ACSS3: variants seen among roughly 807,000 people sequenced by gnomAD.
ACSS3 encodes the protein acyl-CoA synthetase short chain family member 3.
A neutral mutation model predicts 84.2 loss-of-function variants in ACSS3; 64 were observed. The ratio of observed to expected loss-of-function variants is 0.76; its 90% CI spans 0.62 to 0.94. ACSS3 has a LOEUF of 0.94. Ranked by LOEUF, ACSS3 falls within the 40% of genes least tolerant of loss-of-function variation. The probability of loss-of-function intolerance (pLI) is 0.00; values close to 1 mark genes in which losing one functional copy is unlikely to be tolerated. For synonymous variants in ACSS3, 317 were observed against 310.1 expected (o/e 1.02, Z -0.23); for missense variants, 815 against 867.6 (o/e 0.94, Z 0.76).
In ACSS3 at chr12:81,139,257, C is replaced by T. The variant is rs1175643372; in HGVS notation, c.772C>T (p.Pro258Ser). The part of the protein sequence containing the change: ...KPDKILIYNR[P>S]NMEAVPLAPG... Reference sequence around the variant, plus strand: ...AGACAAAATTCTCATTTATAATCGTCCAAATATGGTAATCTGAATATTGAA... The same window carrying T: ...AGACAAAATTCTCATTTATAATCGTTCAAATATGGTAATCTGAATATTGAA... The change falls in exon 4 of 16, where the codon CCA (proline) becomes TCA (serine). Residue 258 changes from proline to serine, a missense_variant. Coordinates refer to ENST00000548058, the MANE Select transcript of ACSS3 (RefSeq NM_024560.4). The T allele has an allele frequency of 6.2e-7, 1 of 1,613,600 alleles. No homozygotes were observed. Among genetic ancestry groups the T allele is most frequent in the Non-Finnish European group, 8.5e-7 (1 of 1,179,862 alleles).
At chr12:81,145,015 C>T (rs35193082) in intron 5 of ACSS3, among the ~76,000 whole-genome samples, 5 of 147,188 alleles carry the variant, frequency 3.4e-5, no homozygotes, top group African/African-American at 9.9e-5. Context: ...ATTCTCGTGC[C>T]TTAGCCCCCC....
chr12:81,241,895 A>T (rs912114786), intron 13 of ACSS3, among the ~76,000 whole-genome samples: 26 of 152,068 alleles, frequency 1.7e-4, no homozygotes, highest in Non-Finnish European at 2.9e-4. Context: ...GGTGTTTTAG[A>T]CATGAAGTTC....
At chr12:81,110,953 C>T (rs1883525235) in intron 2 of ACSS3, among the ~76,000 whole-genome samples, 1 of 152,096 alleles carries the variant, frequency 6.6e-6, no homozygotes, top group Non-Finnish European at 1.5e-5. Context: ...TATTCTTTTT[C>T]ATCAGCAAGT....
chr12:81,180,426 C>T (rs932824207), intron 8 of ACSS3, among the ~76,000 whole-genome samples: 1 of 152,134 alleles, frequency 6.6e-6, no homozygotes, highest in South Asian at 2.1e-4. Flanking sequence ...TAATAATGTG[C>T]TTTGAATAGT....
intron 7 of ACSS3, among the ~76,000 whole-genome samples, chr12:81,168,531 C>G (rs1887508347): frequency 6.6e-6 from 1 of 152,088 alleles, no homozygotes; most frequent in Non-Finnish European, 1.5e-5. Flanking sequence ...AACGAAAACA[C>G]TGGATGAGAG....
rs1161019819 is a variant in ACSS3 at position 81,255,763 on chromosome 12, T to G, written c.*841T>G. 3 of 152,194 alleles carry G rather than the reference T, an allele frequency of 2.0e-5. No homozygotes were observed. The highest frequency in any genetic ancestry group is 4.4e-5 in the Non-Finnish European group (3 of 68,110). 9.4% of individuals were successfully genotyped at this position (152,194 alleles called of 1,614,324 possible). A position where few individuals can be genotyped will look rare whatever the true frequency, so the allele number is the denominator to read the frequency against. The stretch of plus-strand genomic sequence containing the variant: ...AGTGAGCCAAGTTCCCCCACTGTAC[T>G]CCAGCCTGGGTGACAGAGTAAGACT... On this transcript the variant is annotated 3_prime_UTR_variant, in exon 16 of 16. Transcript: ENST00000548058.
At chr12:81,081,631 G>A (rs966704925) in intron 1 of ACSS3, among the ~76,000 whole-genome samples, 1 of 152,144 alleles carries the variant, frequency 6.6e-6, no homozygotes, top group African/African-American at 2.4e-5. Flanking sequence ...ATTATATATT[G>A]TGGTTGACTC....
In ACSS3 at chr12:81,143,234, C is replaced by T. The variant is rs779267327; in HGVS notation, c.908C>T (p.Thr303Met). 5.0e-6 allele frequency: 8 copies of T among 1,597,034 alleles called. No homozygotes were observed. The highest frequency in any genetic ancestry group is 3.3e-4 in the Middle Eastern group (2 of 6,022). Residue 303 changes from threonine (T) to methionine (M), a missense_variant, in exon 5 of 16, where the codon ACG (threonine) becomes ATG (methionine). Physicochemically the swap from Thr to Met is moderately conservative, Grantham distance 81. Transcript: ENST00000548058. ...PLYILYTSGT[T>M]GLPKGVIRPT... ...TATATTCTTTACACATCTGGCACAA[C>T]GGGGTTACCTAAGGTACTCACTCTC...
intron 13 of ACSS3, among the ~76,000 whole-genome samples, chr12:81,246,478 A>C (rs74103940): frequency 6.6e-6 from 1 of 152,178 alleles, no homozygotes; most frequent in African/African-American, 2.4e-5. Context: ...CAGATTATAC[A>C]GAAAGTAAAG....
At chr12:81,136,573 A>G (rs1593114066) in intron 3 of ACSS3, among the ~76,000 whole-genome samples, 1 of 152,210 alleles carries the variant, frequency 6.6e-6, no homozygotes, top group Non-Finnish European at 1.5e-5. Context: ...CTAGTTGAAG[A>G]GAATGACATA....
At chr12:81,168,747 A>G (rs556687047) in intron 7 of ACSS3, among the ~76,000 whole-genome samples, 1 of 152,190 alleles carries the variant, frequency 6.6e-6, no homozygotes, top group Non-Finnish European at 1.5e-5. Flanking sequence ...TTTCCCCTGT[A>G]TATGGTCATA....
At chr12:81,118,510 T>C (rs572808756) in intron 2 of ACSS3, among the ~76,000 whole-genome samples, 5 of 152,278 alleles carry the variant, frequency 3.3e-5, no homozygotes, top group Admixed American at 2.6e-4. Context: ...CATTTGGCCA[T>C]CAGCTGCTAG....
At chr12:81,223,034 A>G (rs979020044) in intron 11 of ACSS3, among the ~76,000 whole-genome samples, 1 of 152,094 alleles carries the variant, frequency 6.6e-6, no homozygotes, top group African/African-American at 2.4e-5. Flanking sequence ...CCAGAGCTCC[A>G]AAGTGCAGAA....
At chr12:81,246,726 G>A (rs2033996596) in intron 13 of ACSS3, among the ~76,000 whole-genome samples, 1 of 152,192 alleles carries the variant, frequency 6.6e-6, no homozygotes, top group African/African-American at 2.4e-5. Context: ...GAAAGAAAAT[G>A]TTTAAAGTAA....
Position 81,089,239 on chromosome 12 carries a change from G to T in ACSS3, c.311+10808G>T, listed in dbSNP as rs1881516177. ...ATAGGATTTCTTTATATGTTAAGTT[G>T]TTGGTTTTATTTACTTTTAAATACG... On this transcript the variant is annotated intron_variant, in intron 1 of 15. Coordinates refer to ENST00000548058, the MANE Select transcript of ACSS3 (RefSeq NM_024560.4). 2.6e-5 allele frequency among the ~76,000 whole-genome samples: 4 copies of T among 151,872 alleles called. No homozygotes were observed. The South Asian group carries it at 8.3e-4, about 31-fold the overall frequency.
intron 8 of ACSS3, among the ~76,000 whole-genome samples, chr12:81,177,823 G>A (rs536500702): frequency 6.6e-6 from 1 of 152,274 alleles, no homozygotes; most frequent in African/African-American, 2.4e-5. Context: ...AACAGGTGCT[G>A]GAGAGGATGT....
chr12:81,202,858 G>A (rs2032170935), intron 9 of ACSS3, among the ~76,000 whole-genome samples: 1 of 152,178 alleles, frequency 6.6e-6, no homozygotes, highest in South Asian at 2.1e-4. Flanking sequence ...TCCGCAGTCA[G>A]TTCATTTATA....
intron 11 of ACSS3, among the ~76,000 whole-genome samples, chr12:81,222,395 A>G (rs931621340): frequency 2.6e-5 from 4 of 152,040 alleles, no homozygotes; most frequent in Admixed American, 2.0e-4. Flanking sequence ...AACAAAACAG[A>G]TTTTGAAACC....
In ACSS3 at chr12:81,172,415, G is replaced by A. The variant is rs147120527; in HGVS notation, c.1099-2373G>A. Among the ~76,000 whole-genome samples, 866 of 152,052 alleles carry A rather than the reference G, an allele frequency of 5.7e-3. 26 individuals carry two copies. Among genetic ancestry groups the A allele is most frequent in the Admixed American group, 0.052 (795 of 15,256 alleles). The stretch of plus-strand genomic sequence containing the variant: ...GTGCCTGCTGTATGAGCACATCCCA[G>A]CACAGTTGTTCTGTCCCTGGAATCC... On this transcript the variant is annotated intron_variant, in intron 7 of 15. Transcript: ENST00000548058.
Sources: gnomAD v4.1 joint callset for allele counts (sites outside exome capture counted in the v4.1 genomes callset) on GRCh38, gnomAD v4.1.1 for gene constraint, MANE v1.5 for transcripts, NCBI Gene and HGNC (gene_info 2026-07-23, HGNC 2026-07-21) for gene names.